TAFA5: variants seen among roughly 807,000 people sequenced by gnomAD.
The protein encoded by TAFA5 is chemokine-like protein TAFA-5.
In TAFA5, 6 loss-of-function variants were observed where a neutral mutation model predicts 15.3. The observed-to-expected ratio is 0.39, with a 90% CI of 0.21 to 0.77. TAFA5 has a LOEUF of 0.77. Among genes scored for constraint, TAFA5 ranks in the 30% least tolerant of loss-of-function variants. The pLI is 0.41. For synonymous variants in TAFA5, 103 were observed against 80.7 expected, an observed-to-expected ratio of 1.28 and a Z score of -1.48; for missense variants, 161 against 193.1, an observed-to-expected ratio of 0.83 and a Z score of 0.98.
chr22:48,719,300 C>T (rs979995473), intron 3 of TAFA5, among the ~76,000 whole-genome samples: 27 of 152,204 alleles, frequency 1.8e-4, no homozygotes, highest in Non-Finnish European at 2.4e-4. Context: ...CCGTTCCCCT[C>T]GGAGCCCTCC....
chr22:48,573,079 C>T (rs1320362133), intron 1 of TAFA5, among the ~76,000 whole-genome samples: 1 of 152,212 alleles, frequency 6.6e-6, no homozygotes, highest in South Asian at 2.1e-4. Context: ...TTTCCTCTGG[C>T]CCTGGTCTGA....
At chr22:48,705,751 C>T (rs1171491374) in intron 2 of TAFA5, among the ~76,000 whole-genome samples, 3 of 152,260 alleles carry the variant, frequency 2.0e-5, no homozygotes, top group Admixed American at 1.3e-4. Context: ...GAAGCCAGCC[C>T]GCTGCCCGTC....
chr22:48,494,059 C>G (rs1306280202), intron 1 of TAFA5, among the ~76,000 whole-genome samples: 1 of 152,218 alleles, frequency 6.6e-6, no homozygotes, highest in African/African-American at 2.4e-5. Flanking sequence ...CCTGATGGGT[C>G]TCTTCCATAC....
chr22:48,728,419 G>A (rs1929769323), intron 3 of TAFA5, among the ~76,000 whole-genome samples: 1 of 152,232 alleles, frequency 6.6e-6, no homozygotes, highest in Non-Finnish European at 1.5e-5. Context: ...CTGCCAGATG[G>A]TTAACTTGGA....
Position 48,499,439 on chromosome 22 carries a change from T to C in TAFA5, c.112+9735T>C, listed in dbSNP as rs975658047. Among the ~76,000 whole-genome samples, 28 of 152,212 alleles carry C rather than the reference T, an allele frequency of 1.8e-4. 1 individual carries two copies. The highest frequency in any genetic ancestry group is 1.2e-3 in the Admixed American group (18 of 15,282). The stretch of plus-strand genomic sequence containing the variant: ...TTCTCCCCAGGAAGTTCTGCTCTGC[T>C]GGTGGGACCCTTGGTTGCCTAGAGT... On this transcript the variant is annotated intron_variant, in intron 1 of 3. Transcript: ENST00000402357.
intron 2 of TAFA5, among the ~76,000 whole-genome samples, chr22:48,648,554 G>GTT (rs2147203902): frequency 6.6e-6 from 1 of 152,218 alleles, no homozygotes; most frequent in South Asian, 2.1e-4. Flanking sequence ...AAGAATGCCC[G>GTT]TATCAGCCAG....
At chr22:48,633,520 G>C (rs12484764) in intron 1 of TAFA5, among the ~76,000 whole-genome samples, 7,709 of 43,324 alleles carry the variant, frequency 0.18, 530 homozygotes, top group African/African-American at 0.39. Context: ...CTGTCTGTCT[G>C]TCTGTCTGTC....
In TAFA5 at chr22:48,489,670, C is replaced by A; in HGVS notation, c.78C>A (p.Phe26Leu). The A allele has an allele frequency of 6.5e-7, 1 of 1,530,646 alleles. No homozygotes were observed. Among genetic ancestry groups the A allele is most frequent in the East Asian group, 2.7e-5 (1 of 36,660 alleles). The allele number at this position is 1,530,646 out of a possible 1,614,324, so 94.8% of individuals were successfully genotyped here. ...LPSMSSTFWA[F>L]MILASLLIAY... is the part of the protein sequence containing the mutation. ...GCATGTCCTCAACTTTCTGGGCGTTCATGATCCTGGCCAGCCTGCTCATCG... is the reference window on the plus strand; with the variant it reads ...GCATGTCCTCAACTTTCTGGGCGTTAATGATCCTGGCCAGCCTGCTCATCG... The change falls in exon 1 of 4, where the codon TTC becomes TTA. Residue 26 changes from phenylalanine (F) to leucine (L), a missense_variant. Coordinates refer to ENST00000402357, the MANE Select transcript of TAFA5 (RefSeq NM_001082967.3). The surrounding 1 kb of genome is among the most constrained non-coding windows in gnomAD (Gnocchi z 5.5).
chr22:48,523,214 G>C (rs1921666036), intron 1 of TAFA5, among the ~76,000 whole-genome samples: 1 of 152,226 alleles, frequency 6.6e-6, no homozygotes, highest in South Asian at 2.1e-4. Context: ...GGCTCGGCTT[G>C]GTGGGCACTT....
intron 3 of TAFA5, among the ~76,000 whole-genome samples, chr22:48,733,085 T>G (rs1929913724): frequency 6.6e-6 from 1 of 152,230 alleles, no homozygotes; most frequent in African/African-American, 2.4e-5. Flanking sequence ...ATATTTACTT[T>G]ATTGCGGTGG....
At chr22:48,507,547 C>T (rs543890203) in intron 1 of TAFA5, among the ~76,000 whole-genome samples, 3 of 152,356 alleles carry the variant, frequency 2.0e-5, no homozygotes, top group African/African-American at 4.8e-5. Flanking sequence ...TTGCCAGCCC[C>T]TTTTGCCCAG....
At chr22:48,544,506 A>T in intron 1 of TAFA5, 12 of 367,174 alleles carry the variant, frequency 3.3e-5, no homozygotes, top group South Asian at 2.4e-4. Context: ...ACCACATGCT[A>T]ATCTGGGCTT....
intron 1 of TAFA5, among the ~76,000 whole-genome samples, chr22:48,557,917 G>A (rs1243816250): frequency 6.6e-6 from 1 of 152,234 alleles, no homozygotes; most frequent in Non-Finnish European, 1.5e-5. Context: ...CACAACCGGA[G>A]GATGTGTCTA....
intron 1 of TAFA5, among the ~76,000 whole-genome samples, chr22:48,588,280 C>T (rs1360548701): frequency 1.3e-5 from 2 of 152,184 alleles, no homozygotes; most frequent in Non-Finnish European, 2.9e-5. Context: ...CCTCAGGCCA[C>T]CTGCGCAGAG....
chr22:48,541,516 G>A (rs180884867), intron 1 of TAFA5, among the ~76,000 whole-genome samples: 5 of 152,294 alleles, frequency 3.3e-5, no homozygotes, highest in African/African-American at 7.2e-5. Context: ...AGCCTCGGCC[G>A]GCTGCTGTTT....
At chr22:48,512,781 G>A (rs1424681626) in intron 1 of TAFA5, among the ~76,000 whole-genome samples, 1 of 151,960 alleles carries the variant, frequency 6.6e-6, no homozygotes, top group African/African-American at 2.4e-5. Flanking sequence ...AAATTACCCG[G>A]GGGTGGTGGC....
chr22:48,750,154 A>AGAG lies in TAFA5; in HGVS notation c.*324_*326dup, dbSNP rs995709166. ...CCGTGGCGTTGGCCCTGCTGTCCTCAGAGGAGGAGGAGGAGGAGGCAGCTC... is the reference window on the plus strand; with the variant it reads ...CCGTGGCGTTGGCCCTGCTGTCCTCAGAGGAGGAGGAGGAGGAGGAGGCAGCTC... On this transcript the variant is annotated 3_prime_UTR_variant, in exon 4 of 4. Transcript: ENST00000402357. The AGAG allele has an allele frequency of 2.4e-5, 11 of 452,542 alleles. No individual in the cohort carries two copies. Among genetic ancestry groups the AGAG allele is most frequent in the African/African-American group, 6.1e-5 (3 of 49,508 alleles). The allele number at this position is 452,542 out of a possible 1,614,324, so 28.0% of individuals were successfully genotyped here. A position where few individuals can be genotyped will look rare whatever the true frequency, so the allele number is the denominator to read the frequency against.
rs999465634 is a variant in TAFA5, at chr22:48,611,224, C to T, written c.113-35373C>T. Among the ~76,000 whole-genome samples the T allele has an allele frequency of 9.9e-5, 15 of 152,208 alleles. 1 individual carries two copies. The highest frequency in any genetic ancestry group is 6.5e-4 in the Admixed American group (10 of 15,282). ...TGCTGGGATTACAGGCGTGAGGCAC[C>T]GCACTCAGCCTATTTTTGATAGCTT... On this transcript the variant is annotated intron_variant, in intron 1 of 3. Transcript: ENST00000402357.
At chr22:48,609,097 G>A (rs566110205) in intron 1 of TAFA5, among the ~76,000 whole-genome samples, 9 of 152,306 alleles carry the variant, frequency 5.9e-5, no homozygotes, top group South Asian at 4.1e-4. Context: ...ACTGTGGAGC[G>A]ATGGCCCTGG....
Sources: gnomAD v4.1 joint callset for allele counts (sites outside exome capture counted in the v4.1 genomes callset) on GRCh38, gnomAD v4.1.1 for gene constraint, Gnocchi (gnomAD v3.1) non-coding constraint, MANE v1.5 for transcripts, NCBI Gene and HGNC (gene_info 2026-07-23, HGNC 2026-07-21) for gene names.